Variants in SYN3 observed in about 807,000 individuals in gnomAD.
SYN3 encodes synapsin-3.
SYN3 carries 35 observed loss-of-function variants against 65.8 expected under a neutral mutation model. That is an observed-to-expected ratio of 0.53 (90% CI 0.41 to 0.70). SYN3 has a LOEUF of 0.70. Ranked by LOEUF, SYN3 falls within the 30% of genes least tolerant of loss-of-function variation. The pLI, the probability that SYN3 is intolerant of heterozygous loss-of-function variation, is 0.00. For missense variants in SYN3, 680 were observed against 749.0 expected (o/e 0.91, Z 1.08); for synonymous variants, 270 against 292.9 (o/e 0.92, Z 0.80).
At chr22:32,794,638 G>A (rs760027252) in intron 6 of SYN3, among the ~76,000 whole-genome samples, 1 of 152,194 alleles carries the variant, frequency 6.6e-6, no homozygotes, top group Non-Finnish European at 1.5e-5. Context: ...ATATCTAGAA[G>A]AGAACCAGGG....
chr22:32,585,926 ATATACG>A (rs2059019111), intron 7 of SYN3, among the ~76,000 whole-genome samples: 1 of 56,896 alleles, frequency 1.8e-5, no homozygotes, highest in Non-Finnish European at 3.4e-5. Context: ...ATATATGTGT[ATATACG>A]TATATGTGTA....
intron 7 of SYN3, among the ~76,000 whole-genome samples, chr22:32,579,650 C>T (rs964242014): frequency 1.3e-5 from 2 of 152,134 alleles, no homozygotes; most frequent in African/African-American, 4.8e-5. Context: ...AAGCCTTTGC[C>T]CCTCCTCCAA....
chr22:32,855,460 G>A lies in SYN3; in HGVS notation c.711+9455C>T, dbSNP rs192418870. Among the ~76,000 whole-genome samples, 3 of 152,250 alleles carry A rather than the reference G, an allele frequency of 2.0e-5. No homozygotes were observed. In the East Asian group the frequency reaches 5.8e-4, roughly 29 times the overall value. ...AGTCTAAGATAATGGGTAAGAGTAT[G>A]GACTCTGAAGGCAGAGTCCTCTGCT... On this transcript the variant is annotated intron_variant, in intron 6 of 13. Transcript: ENST00000358763.
At chr22:32,816,757 C>T (rs11703661) in intron 6 of SYN3, among the ~76,000 whole-genome samples, 241 of 152,262 alleles carry the variant, frequency 1.6e-3, no homozygotes, top group Middle Eastern at 0.014. Context: ...AGGCTGCCTC[C>T]TTGTCTTGCT....
chr22:32,875,752 G>A (rs942027547), intron 4 of SYN3, among the ~76,000 whole-genome samples: 1 of 152,146 alleles, frequency 6.6e-6, no homozygotes, highest in Non-Finnish European at 1.5e-5. Context: ...GTGACCTTCA[G>A]GAACTAGAGA....
intron 7 of SYN3, among the ~76,000 whole-genome samples, chr22:32,553,375 G>A (rs1216393409): frequency 6.6e-6 from 1 of 151,698 alleles, no homozygotes; most frequent in Admixed American, 6.6e-5. Context: ...ATACAGACAT[G>A]GCAAAAAAGG....
chr22:32,689,772 G>A (rs2060638143), intron 6 of SYN3, among the ~76,000 whole-genome samples: 1 of 152,142 alleles, frequency 6.6e-6, no homozygotes, highest in African/African-American at 2.4e-5. Context: ...CAATAGTCAT[G>A]CATTTAAGTC....
At chr22:32,582,178 C>T (rs1233534977) in intron 7 of SYN3, among the ~76,000 whole-genome samples, 1 of 152,168 alleles carries the variant, frequency 6.6e-6, no homozygotes, top group East Asian at 1.9e-4. Context: ...TGCAGGATGG[C>T]CTCGAACTCC....
chr22:33,002,111 G>A (rs1171121612), intron 2 of SYN3, among the ~76,000 whole-genome samples: 3 of 152,190 alleles, frequency 2.0e-5, no homozygotes, highest in Admixed American at 1.3e-4. Context: ...TAAGCTCAGA[G>A]CCTAATAGTG....
chr22:33,023,598 C>T (rs979645957), intron 1 of SYN3, among the ~76,000 whole-genome samples: 1 of 152,122 alleles, frequency 6.6e-6, no homozygotes, highest in Non-Finnish European at 1.5e-5. Context: ...TGCCTGTGGT[C>T]GCAGCAACTC....
rs549905245 is a variant in SYN3, at chr22:32,989,214, T to C, written c.312-8512A>G. On this transcript the variant is annotated intron_variant, in intron 2 of 13. Transcript: ENST00000358763. ...TGCCTCAGGCCAGTGTCAACCTTCC[T>C]GAACCTTGGTTTCCTTAACTGTAAA... Among the ~76,000 whole-genome samples the C allele has an allele frequency of 5.7e-4, 87 of 152,346 alleles. 1 individual carries two copies. Among genetic ancestry groups the C allele is most frequent in the South Asian group, 1.0e-3 (5 of 4,826 alleles).
At position 32,527,992 on chromosome 22, in the gene SYN3, T is replaced by C. The variant is rs187748632; in HGVS notation, c.1244A>G (p.Lys415Arg). 10 of 1,582,890 alleles carry C rather than the reference T, an allele frequency of 6.3e-6. No homozygotes were observed. The highest frequency in any genetic ancestry group is 2.3e-5 in the East Asian group (1 of 43,404). The change falls in exon 12 of 14, where the codon AAA (lysine) becomes AGA (arginine). Residue 415 changes from lysine (K) to arginine (R), a missense_variant. Transcript: ENST00000358763. ...GGCTTGCCCTGGGGATTTCGCTGAT[T>C]TAATCTGTGGAGCCTAGAGCAGAAG... ...SPLRPWAPQI[K>R]SAKSPGQAQL...
intron 7 of SYN3, among the ~76,000 whole-genome samples, chr22:32,591,208 C>T (rs2059122992): frequency 6.6e-6 from 1 of 151,928 alleles, no homozygotes; most frequent in Non-Finnish European, 1.5e-5. Context: ...CAATCTGCTT[C>T]CAAAGACGGA....
intron 6 of SYN3, among the ~76,000 whole-genome samples, chr22:32,835,643 G>A (rs1040374232): frequency 6.6e-6 from 1 of 152,158 alleles, no homozygotes; most frequent in East Asian, 1.9e-4. Flanking sequence ...CAGGGCTGCC[G>A]ATCAGATGTC....
intron 7 of SYN3, among the ~76,000 whole-genome samples, chr22:32,541,974 G>A (rs986226922): frequency 3.3e-5 from 5 of 152,098 alleles, no homozygotes; most frequent in Admixed American, 6.6e-5. Context: ...GGATGAACAT[G>A]TTTCAGATGG....
At chr22:32,701,865 G>A (rs1382711518) in intron 6 of SYN3, among the ~76,000 whole-genome samples, 2 of 151,888 alleles carry the variant, frequency 1.3e-5, no homozygotes, top group South Asian at 2.1e-4. Flanking sequence ...AAATATTAAT[G>A]AAAAAAATGT....
chr22:32,604,407 C>G (rs751299104), intron 6 of SYN3, among the ~76,000 whole-genome samples: 25 of 152,058 alleles, frequency 1.6e-4, no homozygotes, highest in Non-Finnish European at 3.1e-4. Context: ...ACTGACCTTT[C>G]AGTTCTTTAC....
chr22:32,776,053 C>T (rs1433657629), intron 6 of SYN3, among the ~76,000 whole-genome samples: 1 of 152,072 alleles, frequency 6.6e-6, no homozygotes, highest in Non-Finnish European at 1.5e-5. Context: ...AGAGAGAGAT[C>T]TGGTGCCCGC....
intron 6 of SYN3, among the ~76,000 whole-genome samples, chr22:32,813,349 C>T (rs2146000513): frequency 6.6e-6 from 1 of 152,256 alleles, no homozygotes; most frequent in South Asian, 2.1e-4. Context: ...GTGAACCGTA[C>T]AGTCCAGGTC....
Sources: gnomAD v4.1 joint callset for allele counts (sites outside exome capture counted in the v4.1 genomes callset) on GRCh38, gnomAD v4.1.1 for gene constraint, MANE v1.5 for transcripts, NCBI Gene and HGNC (gene_info 2026-07-23, HGNC 2026-07-21) for gene names.